Variants in ANXA13 observed in about 807,000 individuals in gnomAD.
ANXA13 encodes the protein annexin A13, also known as annexin XIII.
A neutral mutation model predicts 46.6 loss-of-function variants in ANXA13; 36 were observed. The ratio of observed to expected loss-of-function variants is 0.77; its 90% CI spans 0.59 to 1.02. The LOEUF is 1.02. ANXA13 is among the 50% of genes least tolerant of loss of function. ANXA13 has a pLI of 0.00. For missense variants in ANXA13, 417 were observed against 396.5 expected, an observed-to-expected ratio of 1.05 and a Z score of -0.44; for synonymous variants, 163 against 152.9, an observed-to-expected ratio of 1.07 and a Z score of -0.49.
At chr8:123,683,247 A>G (rs909943747) in intron 10 of ANXA13, among the ~76,000 whole-genome samples, 2 of 152,018 alleles carry the variant, frequency 1.3e-5, no homozygotes, top group African/African-American at 4.8e-5. Context: ...TGAGTTGTGG[A>G]GGAGGAGAAA....
At chr8:123,736,120 T>C (rs1407666599) in intron 1 of ANXA13, among the ~76,000 whole-genome samples, 2 of 152,228 alleles carry the variant, frequency 1.3e-5, no homozygotes, top group Non-Finnish European at 2.9e-5. Flanking sequence ...TTGTAGATGA[T>C]TTGAAAAACA....
rs1035490384 is a variant in ANXA13, at chr8:123,725,422, A to G, written c.15+11898T>C. 1.4e-4 allele frequency among the ~76,000 whole-genome samples: 21 copies of G among 152,280 alleles called. No individual in the cohort carries two copies. In the East Asian group the frequency reaches 3.3e-3, roughly 24 times the overall value. ...TCCATCTCCTATCTCTCTCAGAACA[A>G]TGTTCTTTTACCTCTAACCGGTTAC... On this transcript the variant is annotated intron_variant, in intron 1 of 10. Transcript: ENST00000419625.
Position 123,685,664 on chromosome 8 carries a change from T to C in ANXA13, c.719-942A>G, listed in dbSNP as rs537257759. ...GGACTGTCTGTGTGATTGATGCTTA[T>C]AAGCAGGGGAGAGGAGCAGAGTTCG... On this transcript the variant is annotated intron_variant, in intron 9 of 10. Coordinates refer to ENST00000419625, the MANE Select transcript of ANXA13 (RefSeq NM_004306.4). Among the ~76,000 whole-genome samples, 3 of 152,316 alleles carry C rather than the reference T, an allele frequency of 2.0e-5. No individual in the cohort carries two copies. The East Asian group carries it at 5.8e-4, about 29-fold the overall frequency.
chr8:123,687,783 G>C (rs1276808893), intron 9 of ANXA13, among the ~76,000 whole-genome samples: 1 of 152,164 alleles, frequency 6.6e-6, no homozygotes, highest in Non-Finnish European at 1.5e-5. Flanking sequence ...CCTCACCACA[G>C]GACTGTGGAC....
rs185453266 is a variant in ANXA13, at chr8:123,716,200, C to T, written c.16-3447G>A. Among the ~76,000 whole-genome samples, 142 of 152,314 alleles carry T rather than the reference C, an allele frequency of 9.3e-4. 2 individuals are homozygous for T. Among genetic ancestry groups the T allele is most frequent in the Middle Eastern group, 3.4e-3 (1 of 294 alleles). On this transcript the variant is annotated intron_variant, in intron 1 of 10. Transcript: ENST00000419625. Reference sequence around the variant, plus strand: ...TCCCGGGTTCAAGCGATTCTCCTGCCTCAGCCACCCAAGTAGCTGGGATTA... The same window carrying T: ...TCCCGGGTTCAAGCGATTCTCCTGCTTCAGCCACCCAAGTAGCTGGGATTA...
intron 1 of ANXA13, chr8:123,727,961 G>A (rs1442963105): frequency 6.6e-6 from 1 of 152,150 alleles, no homozygotes; most frequent in Non-Finnish European, 1.5e-5. Flanking sequence ...GCTGAGATAA[G>A]GTAACTAGGA....
At chr8:123,697,408 A>AAG (rs1813361386) in intron 4 of ANXA13, among the ~76,000 whole-genome samples, 1 of 152,116 alleles carries the variant, frequency 6.6e-6, no homozygotes, top group African/African-American at 2.4e-5. Flanking sequence ...TCCCAACCTG[A>AAG]GACTCCTTGA....
At position 123,720,303 on chromosome 8, in the gene ANXA13, A is replaced by G. The variant is rs372789130; in HGVS notation, c.16-7550T>C. Among the ~76,000 whole-genome samples the G allele has an allele frequency of 5.8e-4, 89 of 152,272 alleles. 3 individuals are homozygous for G. The South Asian group carries it at 0.017, about 29-fold the overall frequency. On this transcript the variant is annotated intron_variant, in intron 1 of 10. Coordinates refer to ENST00000419625, the MANE Select transcript of ANXA13 (RefSeq NM_004306.4). ...ACCAGGGCCAAGATTAGAACCAGGT[A>G]GTTTTGCCTGGGCTTGTTAAGCAGG... is the stretch of plus-strand genomic sequence containing the variant.
At chr8:123,702,233 T>C (rs1813458344) in intron 3 of ANXA13, among the ~76,000 whole-genome samples, 1 of 142,304 alleles carries the variant, frequency 7.0e-6, no homozygotes, top group Admixed American at 7.4e-5. Flanking sequence ...AAAATAGGTG[T>C]TGATAGCTTA....
At chr8:123,703,899 C>T (rs961499834) in intron 2 of ANXA13, among the ~76,000 whole-genome samples, 9 of 152,240 alleles carry the variant, frequency 5.9e-5, no homozygotes, top group African/African-American at 1.7e-4. Flanking sequence ...ATAAGAAAGA[C>T]GGTTTTACCA....
At chr8:123,724,782 T>C (rs1813950740) in intron 1 of ANXA13, among the ~76,000 whole-genome samples, 3 of 152,232 alleles carry the variant, frequency 2.0e-5, no homozygotes, top group Admixed American at 2.0e-4. Context: ...TAGTGGATCT[T>C]TCACACTCGT....
chr8:123,719,458 T>C (rs1563616862), intron 1 of ANXA13, among the ~76,000 whole-genome samples: 1 of 152,240 alleles, frequency 6.6e-6, no homozygotes, highest in Non-Finnish European at 1.5e-5. Flanking sequence ...GCATAGTCCC[T>C]GTTCCCAGGG....
At position 123,728,350 on chromosome 8, in the gene ANXA13, T is replaced by G. The variant is rs552533754; in HGVS notation, c.15+8970A>C. On this transcript the variant is annotated intron_variant, in intron 1 of 10. Transcript: ENST00000419625. ...GAGAACTTGGAGGATAAAGTGGTTG[T>G]GTGGAGATGATGGATATTTCTCAAC... 3 of 152,320 alleles carry G rather than the reference T, an allele frequency of 2.0e-5. No individual in the cohort carries two copies. In the East Asian group the frequency reaches 5.8e-4, roughly 29 times the overall value. The allele number at this position is 152,320 out of a possible 1,614,324, so 9.4% of individuals were successfully genotyped here. A position where few individuals can be genotyped will look rare whatever the true frequency, so the allele number is the denominator to read the frequency against.
chr8:123,694,137 A>G (rs997838481), intron 6 of ANXA13, among the ~76,000 whole-genome samples: 6 of 152,128 alleles, frequency 3.9e-5, no homozygotes, highest in Admixed American at 3.3e-4. Context: ...CAGTCCTAAA[A>G]AACCCTGAGA....
At chr8:123,735,455 T>C (rs1047217688) in intron 1 of ANXA13, among the ~76,000 whole-genome samples, 2 of 152,266 alleles carry the variant, frequency 1.3e-5, no homozygotes, top group Non-Finnish European at 2.9e-5. Context: ...TGAGTTCCTT[T>C]ACTATTTTCT....
Position 123,693,279 on chromosome 8 carries a change from C to T in ANXA13, c.560G>A (p.Gly187Asp). 1.2e-6 allele frequency: 2 copies of T among 1,614,086 alleles called. No homozygotes were observed. Among genetic ancestry groups the T allele is most frequent in the Non-Finnish European group, 1.7e-6 (2 of 1,180,000 alleles). ...TTCATTGAACGCAAGCTCATCAGTG[C>T]CCCAGCGGCCTTCCCCTGCCTCAAG... ...DLYDAGEGRWGTDELAFNEVL... is the reference protein window; with the variant it reads ...DLYDAGEGRWDTDELAFNEVL... The change falls in exon 8 of 11, where the codon GGC (glycine) becomes GAC (aspartate). Residue 187 changes from glycine to aspartate, a missense_variant. Transcript: ENST00000419625.
intron 8 of ANXA13, among the ~76,000 whole-genome samples, chr8:123,692,903 G>A (rs1813266447): frequency 6.6e-6 from 1 of 152,116 alleles, no homozygotes; most frequent in African/African-American, 2.4e-5. Context: ...TCCAGCCTGG[G>A]TACTGCATCT....
intron 4 of ANXA13, among the ~76,000 whole-genome samples, chr8:123,697,586 T>C (rs1813365063): frequency 6.6e-6 from 1 of 152,200 alleles, no homozygotes; most frequent in Admixed American, 6.5e-5. Context: ...GTCAGGGCAC[T>C]GTTTGCATTT....
chr8:123,716,909 C>T (rs185128896), intron 1 of ANXA13, among the ~76,000 whole-genome samples: 9 of 152,210 alleles, frequency 5.9e-5, no homozygotes, highest in South Asian at 2.1e-4. Context: ...GAATGGGCTG[C>T]GGGGTACTCC....
Sources: gnomAD v4.1 joint callset for allele counts (sites outside exome capture counted in the v4.1 genomes callset) on GRCh38, gnomAD v4.1.1 for gene constraint, MANE v1.5 for transcripts, NCBI Gene and HGNC (gene_info 2026-07-23, HGNC 2026-07-21) for gene names.